SLC26A5: variants seen among roughly 807,000 people sequenced by gnomAD.
SLC26A5 encodes solute carrier family 26 member 5.
Under a neutral mutation model 81.0 loss-of-function variants are expected in SLC26A5, and 51 were observed. That is an observed-to-expected ratio of 0.63 (90% confidence interval 0.50 to 0.80). The LOEUF is 0.80. Ranked by LOEUF, SLC26A5 falls within the 30% of genes least tolerant of loss-of-function variation. The pLI, the probability that SLC26A5 is intolerant of heterozygous loss-of-function variation, is 0.00. For synonymous variants in SLC26A5, 325 were observed against 332.8 expected (o/e 0.98, Z 0.25); for missense variants, 771 against 905.8 (o/e 0.85, Z 1.91).
At chr7:103,418,394 G>A (rs139791507) in intron 4 of SLC26A5, among the ~76,000 whole-genome samples, 49 of 152,278 alleles carry the variant, frequency 3.2e-4, no homozygotes, top group African/African-American at 1.1e-3. Flanking sequence ...GTGAGCTTGC[G>A]TGGTTGTCAG....
At chr7:103,362,336 A>G (rs1017794161) in intron 19 of SLC26A5, 2 of 1,363,640 alleles carry the variant, frequency 1.5e-6, no homozygotes, top group Non-Finnish European at 1.9e-6. Context: ...TGAGGTTACC[A>G]GTCCATTTAA....
intron 19 of SLC26A5, among the ~76,000 whole-genome samples, chr7:103,364,671 G>T (rs772182236): frequency 2.6e-5 from 4 of 152,126 alleles, no homozygotes; most frequent in Non-Finnish European, 5.9e-5. Flanking sequence ...GCCTCCCAGA[G>T]TGCTGGTAGT....
At chr7:103,423,603 C>T (rs1353814506) in intron 2 of SLC26A5, among the ~76,000 whole-genome samples, 3 of 152,052 alleles carry the variant, frequency 2.0e-5, no homozygotes, top group South Asian at 2.1e-4. Flanking sequence ...GGAGTTCACC[C>T]CCTTTCATCC....
At chr7:103,379,118 TAC>T in intron 16 of SLC26A5, 123 bp downstream of exon 16, 1 of 729,406 alleles carries the variant, frequency 1.4e-6, no homozygotes, top group South Asian at 1.6e-5. Context: ...TATATTTTAC[TAC>T]AATAAAAGAG....
At chr7:103,372,665 C>A (rs1821102864), downstream of SLC26A5, among the ~76,000 whole-genome samples, 1 of 152,144 alleles carries the variant, frequency 6.6e-6, no homozygotes, top group African/African-American at 2.4e-5. Flanking sequence ...CTGTTATGAA[C>A]TTCTAAGGAA....
At chr7:103,423,842 G>A (rs1825534596) in intron 2 of SLC26A5, among the ~76,000 whole-genome samples, 1 of 152,198 alleles carries the variant, frequency 6.6e-6, no homozygotes, top group Non-Finnish European at 1.5e-5. Flanking sequence ...TAAATCTGGA[G>A]GAAGAATTTT....
Position 103,391,649 on chromosome 7 carries a change from A to C in SLC26A5, c.1206T>G (p.Val402=). ...GTGTCTTCCCACCGGTTCCCTCCTG[A>C]ACAAGGCTTCGAGACAAGGAGCATG... ...SISCSLSRSL[V]QEGTGGKTQL... Residue 402 remains valine, a synonymous_variant, in exon 11 of 20, where the codon GTT becomes GTG. Transcript: ENST00000306312. 2 of 1,614,208 alleles carry C rather than the reference A, an allele frequency of 1.2e-6. No individual in the cohort carries two copies. The highest frequency in any genetic ancestry group is 2.2e-5 in the South Asian group (2 of 91,084).
chr7:103,442,744 G>A (rs1826971926), intron 2 of SLC26A5, among the ~76,000 whole-genome samples: 1 of 152,180 alleles, frequency 6.6e-6, no homozygotes, highest in Admixed American at 6.5e-5. Flanking sequence ...GTTAGTGGCA[G>A]AGCTTGGCTT....
At chr7:103,399,709 T>C (rs1345761355) in intron 8 of SLC26A5, among the ~76,000 whole-genome samples, 5 of 152,220 alleles carry the variant, frequency 3.3e-5, no homozygotes. Context: ...CTCCTAATGC[T>C]ATCCCTCCTC....
intron 2 of SLC26A5, among the ~76,000 whole-genome samples, chr7:103,434,272 CT>C (rs1469895795): frequency 1.3e-5 from 2 of 152,128 alleles, no homozygotes; most frequent in Non-Finnish European, 2.9e-5. Flanking sequence ...ATCATTTTTC[CT>C]TACAAATTTA....
intron 14 of SLC26A5, among the ~76,000 whole-genome samples, chr7:103,387,031 C>G (rs10263219): frequency 0.059 from 9,039 of 152,174 alleles, 902 homozygotes; most frequent in African/African-American, 0.21. Flanking sequence ...CAATTCCTGG[C>G]ATTACAGGTG....
intron 1 of SLC26A5, among the ~76,000 whole-genome samples, chr7:103,444,787 A>AC (rs1285217409): frequency 6.6e-6 from 1 of 152,190 alleles, no homozygotes; most frequent in Admixed American, 6.5e-5. Context: ...TAGCAACCTT[A>AC]CCTAGGCAAT....
At chr7:103,436,549 T>C (rs1826468405) in intron 2 of SLC26A5, among the ~76,000 whole-genome samples, 1 of 152,046 alleles carries the variant, frequency 6.6e-6, no homozygotes, top group Admixed American at 6.6e-5. Context: ...CCAATACCAA[T>C]ACAAGGAGCC....
intron 2 of SLC26A5, among the ~76,000 whole-genome samples, chr7:103,442,194 T>C (rs889304111): frequency 6.6e-6 from 1 of 151,986 alleles, no homozygotes; most frequent in Admixed American, 6.6e-5. Context: ...CAGGCTGGAG[T>C]ATAGTGGCGC....
In SLC26A5 at chr7:103,380,487, T is replaced by A. The variant is rs1821685805; in HGVS notation, c.1577A>T (p.Tyr526Phe). Residue 526 changes from tyrosine to phenylalanine, a missense_variant, in exon 15 of 20, where the codon TAT becomes TTT. Physicochemically the swap from Tyr to Phe is conservative, Grantham distance 22 (BLOSUM62 3). Coordinates refer to ENST00000306312, the MANE Select transcript of SLC26A5 (RefSeq NM_198999.3). ...ETDVYIDIDA[Y>F]EEVKEIPGIK... ...GATAGAAAAAGGTCCTACCTCCTCATATGCGTCTATATCAATATACACATC... is the reference window on the plus strand; with the variant it reads ...GATAGAAAAAGGTCCTACCTCCTCAAATGCGTCTATATCAATATACACATC... The A allele has an allele frequency of 1.2e-6, 2 of 1,613,270 alleles. No individual in the cohort carries two copies. Among genetic ancestry groups the A allele is most frequent in the African/African-American group, 2.7e-5 (2 of 74,982 alleles).
intron 19 of SLC26A5, chr7:103,364,067 C>A: frequency 7.2e-7 from 1 of 1,379,934 alleles, no homozygotes; most frequent in Non-Finnish European, 9.9e-7. Flanking sequence ...AACATAAAAG[C>A]ACTTTGTTGA....
At chr7:103,428,767 C>T (rs1825872437) in intron 2 of SLC26A5, among the ~76,000 whole-genome samples, 1 of 152,028 alleles carries the variant, frequency 6.6e-6, no homozygotes. Flanking sequence ...GGGGTTTCAC[C>T]ATGTTGGCAA....
Position 103,376,576 on chromosome 7 carries a change from C to T in SLC26A5, c.2041+232G>A, listed in dbSNP as rs62482412. 0.081 allele frequency among the ~76,000 whole-genome samples: 12,274 copies of T among 152,120 alleles called. 693 individuals carry two copies. The highest frequency in any genetic ancestry group is 0.19 in the South Asian group (902 of 4,826). Reference sequence around the variant, plus strand: ...CCATTAATATTATAATAAATGATGGCTTATTGGCTCCTTTCCTCCAACTCC... The same window carrying T: ...CCATTAATATTATAATAAATGATGGTTTATTGGCTCCTTTCCTCCAACTCC... On this transcript the variant is annotated intron_variant, in intron 19 of 19. Coordinates refer to ENST00000306312, the MANE Select transcript of SLC26A5 (RefSeq NM_198999.3).
chr7:103,363,737 G>C (rs1056720330), intron 19 of SLC26A5, among the ~76,000 whole-genome samples: 1 of 152,174 alleles, frequency 6.6e-6, no homozygotes, highest in South Asian at 2.1e-4. Flanking sequence ...GAAGAAACTG[G>C]TTCTTCAAAA....
Sources: allele counts gnomAD v4.1 joint callset (sites outside exome capture counted in the v4.1 genomes callset), GRCh38; gene constraint gnomAD v4.1.1; transcripts MANE v1.5; gene names NCBI Gene and HGNC (gene_info 2026-07-23, HGNC 2026-07-21).